CDK18: variants seen among roughly 807,000 people sequenced by gnomAD.
The protein encoded by CDK18 is cyclin-dependent kinase 18.
In CDK18, 52 loss-of-function variants were observed where a neutral mutation model predicts 62.0. The observed-to-expected ratio is 0.84, with a 90% confidence interval of 0.67 to 1.06. The LOEUF (loss-of-function observed/expected upper bound fraction) is 1.06. Ranked by LOEUF, CDK18 falls within the 50% of genes least tolerant of loss-of-function variation. The probability of loss-of-function intolerance (pLI) is 0.00; values close to 1 mark genes in which losing one functional copy is unlikely to be tolerated. For missense variants in CDK18, 604 were observed against 619.9 expected, an observed-to-expected ratio of 0.97 and a Z score of 0.27; for synonymous variants, 237 against 247.0, an observed-to-expected ratio of 0.96 and a Z score of 0.38.
At chr1:205,519,746 G>C (rs7527022) in intron 1 of CDK18, among the ~76,000 whole-genome samples, 1 of 151,964 alleles carries the variant, frequency 6.6e-6, no homozygotes, top group Non-Finnish European at 1.5e-5. Flanking sequence ...ACCTTAGGGA[G>C]AGCAGGTGTG....
chr1:205,521,651 C>G (rs1668134242), intron 1 of CDK18, among the ~76,000 whole-genome samples: 2 of 152,226 alleles, frequency 1.3e-5, no homozygotes, highest in African/African-American at 4.8e-5. Context: ...TTGTTCATAC[C>G]CAGCCATGAG....
At position 205,509,103 on chromosome 1, in the gene CDK18, C is replaced by T. The variant is rs150490812; in HGVS notation, c.-22+4307C>T. ...GGTGGAGGTTGCAGTGAGCCGAGGT[C>T]GCACCACTGCACTCCAGCCTGGGCG... On this transcript the variant is annotated intron_variant, in intron 1 of 15. Transcript: ENST00000429964. 4.5e-3 allele frequency among the ~76,000 whole-genome samples: 680 copies of T among 149,610 alleles called. 5 individuals carry two copies. Among genetic ancestry groups the T allele is most frequent in the African/African-American group, 0.016 (646 of 40,540 alleles).
rs1333468310 is a variant in CDK18, at chr1:205,528,170, T to G, written c.974+2T>G. 2 of 1,613,222 alleles carry G rather than the reference T, an allele frequency of 1.2e-6. No homozygotes were observed. Among genetic ancestry groups the G allele is most frequent in the Non-Finnish European group, 1.7e-6 (2 of 1,179,944 alleles). ...GTACTCCACCCCCATTGATATGTGG[T>G]GAGTGAGCACTGTGGGGACCGAGGA... On this transcript the variant is annotated splice_donor_variant, in intron 10 of 15. Coordinates refer to ENST00000429964, the MANE Select transcript of CDK18 (RefSeq NM_212502.3). LOFTEE classifies it high-confidence loss of function. The surrounding 1 kb of genome is among the most constrained non-coding windows in gnomAD (Gnocchi z 4.2).
chr1:205,529,112 C>T lies in CDK18; in HGVS notation c.1072+16C>T. On this transcript the variant is annotated intron_variant, in intron 11 of 15. Coordinates refer to ENST00000429964, the MANE Select transcript of CDK18 (RefSeq NM_212502.3). ...CGCCTCCTCGGTCAGTCTCCCGCTG[C>T]TCCGTCCCTCTCACCACCAGGGGGC... 2 of 1,551,920 alleles carry T rather than the reference C, an allele frequency of 1.3e-6. No individual in the cohort carries two copies. The highest frequency in any genetic ancestry group is 8.7e-7 in the Non-Finnish European group (1 of 1,142,952).
intron 15 of CDK18, among the ~76,000 whole-genome samples, chr1:205,530,925 C>T (rs1435304635): frequency 6.6e-6 from 1 of 152,196 alleles, no homozygotes; most frequent in Non-Finnish European, 1.5e-5. Flanking sequence ...TGACAGTAGC[C>T]CTGGCAAAGA....
intron 1 of CDK18, among the ~76,000 whole-genome samples, chr1:205,520,896 G>C (rs1330037445): frequency 6.6e-6 from 1 of 152,048 alleles, no homozygotes; most frequent in South Asian, 2.1e-4. Flanking sequence ...CTATACACAA[G>C]TGTGAGGCAT....
rs186261906 is a variant in CDK18 at position 205,524,208 on chromosome 1, C to T, written c.274-24C>T. The T allele has an allele frequency of 2.1e-3, 3,333 of 1,613,986 alleles. 8 individuals are homozygous for T. Among genetic ancestry groups the T allele is most frequent in the Non-Finnish European group, 2.6e-3 (3,078 of 1,179,890 alleles). ...CTACCCTGAAACCAACAGTGGTGTC[C>T]CCATCTCATCCCTGTCACCACAGGA... On this transcript the variant is annotated intron_variant, in intron 3 of 15. Coordinates refer to ENST00000429964, the MANE Select transcript of CDK18 (RefSeq NM_212502.3).
intron 1 of CDK18, among the ~76,000 whole-genome samples, chr1:205,505,874 A>T (rs1667281049): frequency 6.6e-6 from 1 of 152,082 alleles, no homozygotes; most frequent in Admixed American, 6.5e-5. Flanking sequence ...CTTCCGCGCT[A>T]TCTGCTACTG....
rs1668651799 is a variant in CDK18 at position 205,529,898 on chromosome 1, T to C, written c.1221+335T>C. 2.9e-6 allele frequency: 4 copies of C among 1,367,500 alleles called. No homozygotes were observed. The South Asian group carries it at 4.5e-5, about 15-fold the overall frequency. The allele number at this position is 1,367,500 out of a possible 1,614,324, so 84.7% of individuals were successfully genotyped here. On this transcript the variant is annotated intron_variant, in intron 13 of 15. Coordinates refer to ENST00000429964, the MANE Select transcript of CDK18 (RefSeq NM_212502.3). ...CATTGAGATGACGGGACACACTTAGTGTGGTGCCTGTCTTGTAAGGCACAC... is the reference window on the plus strand; with the variant it reads ...CATTGAGATGACGGGACACACTTAGCGTGGTGCCTGTCTTGTAAGGCACAC...
intron 2 of CDK18, 41 bp downstream of exon 2, chr1:205,523,338 A>G (rs1668234411): frequency 6.2e-7 from 1 of 1,613,004 alleles, no homozygotes; most frequent in African/African-American, 1.3e-5. Flanking sequence ...CCCACCTACC[A>G]GACACTCCCC....
intron 1 of CDK18, among the ~76,000 whole-genome samples, chr1:205,510,370 G>A (rs963640941): frequency 6.6e-6 from 1 of 152,178 alleles, no homozygotes; most frequent in Non-Finnish European, 1.5e-5. Context: ...TGGGCGGTAG[G>A]TGTTATGCTA....
chr1:205,513,928 C>T (rs1667692613), intron 1 of CDK18, among the ~76,000 whole-genome samples: 1 of 152,236 alleles, frequency 6.6e-6, no homozygotes. Flanking sequence ...TCTCCCGCTG[C>T]TGTTGGGCCA....
rs76790349 is a variant in CDK18, at chr1:205,516,329, G to T, written c.-21-6818G>T. The stretch of plus-strand genomic sequence containing the variant: ...AAGTGGCTGAGTGACCGAGGCAGGG[G>T]CAGGGACTGGGAGATAGGGTGTCAT... On this transcript the variant is annotated intron_variant, in intron 1 of 15. Transcript: ENST00000429964. This position sits in a 1 kb window ranked among gnomAD's most constrained non-coding sequence, Gnocchi z 4.8. 1.3e-5 allele frequency among the ~76,000 whole-genome samples: 2 copies of T among 152,142 alleles called. No individual in the cohort carries two copies. The highest frequency in any genetic ancestry group is 1.3e-4 in the Admixed American group (2 of 15,268).
chr1:205,528,970 A>T lies in CDK18; in HGVS notation c.975-29A>T. 1 of 1,504,082 alleles carries T rather than the reference A, an allele frequency of 6.6e-7. No homozygotes were observed. 93.2% of individuals were successfully genotyped at this position (1,504,082 alleles called of 1,614,324 possible). On this transcript the variant is annotated intron_variant, in intron 10 of 15. Coordinates refer to ENST00000429964, the MANE Select transcript of CDK18 (RefSeq NM_212502.3). This position sits in a 1 kb window ranked among gnomAD's most constrained non-coding sequence, Gnocchi z 4.2. ...TAGGAAGGGCGGCCGCCCCTGCCTG[A>T]TGCCGACCCTACCCCTTGCTCCTCG...
chr1:205,507,392 G>T (rs1488695286), intron 1 of CDK18, among the ~76,000 whole-genome samples: 1 of 151,960 alleles, frequency 6.6e-6, no homozygotes, highest in African/African-American at 2.4e-5. Flanking sequence ...AGCACTTTGG[G>T]AGGCCGAGGT....
At chr1:205,526,893 A>T in intron 8 of CDK18, 56 bp downstream of exon 8, 1 of 1,425,088 alleles carries the variant, frequency 7.0e-7, no homozygotes, top group Non-Finnish European at 9.9e-7. Flanking sequence ...CCAGAAGCCC[A>T]GTGTGGGGAC....
At chr1:205,511,513 A>G (rs1667564248) in intron 1 of CDK18, among the ~76,000 whole-genome samples, 1 of 152,208 alleles carries the variant, frequency 6.6e-6, no homozygotes, top group Non-Finnish European at 1.5e-5. Context: ...AAGTGTTGCT[A>G]TTTTCTTCTT....
Position 205,523,561 on chromosome 1 carries a change from CG to C in CDK18, c.213del (p.Gln72SerfsTer74), listed in dbSNP as rs1668257267. 6.2e-6 allele frequency: 10 copies of C among 1,602,172 alleles called. No homozygotes were observed. Among genetic ancestry groups the C allele is most frequent in the Non-Finnish European group, 8.5e-6 (10 of 1,174,878 alleles). On this transcript the variant is annotated frameshift_variant, in exon 3 of 16. Coordinates refer to ENST00000429964, the MANE Select transcript of CDK18 (RefSeq NM_212502.3). LOFTEE classifies it high-confidence loss of function. ...TCCCCAACAGACAGCGGGGAGGAGC[CG>C]GGGCAGCTCTCCCCTGGCGTGCAGT... Reference protein sequence around the residue: ...TFSPTDSGEEPGQLSPGVQFQ... With the variant: ...TFSPTDSGEEXGQLSPGVQFQ...
At position 205,527,762 on chromosome 1, in the gene CDK18, T is replaced by C. The variant is rs780399319; in HGVS notation, c.730-32T>C. ...TTGGAGCAGAGGCTCAGGGCCACCTTCCACCCCACATTTCTCTTCCCCCTC... is the reference window on the plus strand; with the variant it reads ...TTGGAGCAGAGGCTCAGGGCCACCTCCCACCCCACATTTCTCTTCCCCCTC... On this transcript the variant is annotated intron_variant, in intron 8 of 15. Coordinates refer to ENST00000429964, the MANE Select transcript of CDK18 (RefSeq NM_212502.3). The surrounding 1 kb of genome is among the most constrained non-coding windows in gnomAD (Gnocchi z 4.1). The C allele has an allele frequency of 6.2e-7, 1 of 1,610,744 alleles. No homozygotes were observed. Among genetic ancestry groups the C allele is most frequent in the Non-Finnish European group, 8.5e-7 (1 of 1,178,024 alleles).
Sources: allele counts gnomAD v4.1 joint callset (sites outside exome capture counted in the v4.1 genomes callset), GRCh38; gene constraint gnomAD v4.1.1; non-coding constraint Gnocchi (gnomAD v3.1); transcripts MANE v1.5; gene names NCBI Gene and HGNC (gene_info 2026-07-23, HGNC 2026-07-21).